TMEM26: variants seen among roughly 807,000 people sequenced by gnomAD.
The protein encoded by TMEM26 is transmembrane protein 26.
A neutral mutation model predicts 28.8 loss-of-function variants in TMEM26; 38 were observed. That is an observed-to-expected ratio of 1.32 (90% CI 1.02 to 1.73). The LOEUF is 1.73. Among genes scored for constraint, TMEM26 ranks in the 40% most tolerant of loss-of-function variants. TMEM26 has a pLI of 0.00. For synonymous variants in TMEM26, 227 were observed against 182.9 expected (o/e 1.24, Z -1.95); for missense variants, 518 against 447.1 (o/e 1.16, Z -1.43).
rs1839627956 is a variant in TMEM26, at chr10:61,415,009, C to T, written c.606-1474G>A. ...CTCCAATGGGTTGTTGAAGGCTGTGCTTTTGATTCTTTTCTACTTCACATT... is the reference window on the plus strand; with the variant it reads ...CTCCAATGGGTTGTTGAAGGCTGTGTTTTTGATTCTTTTCTACTTCACATT... On this transcript the variant is annotated intron_variant, in intron 4 of 5. Coordinates refer to ENST00000399298, the MANE Select transcript of TMEM26 (RefSeq NM_178505.8). 4 of 985,208 alleles carry T rather than the reference C, an allele frequency of 4.1e-6. No homozygotes were observed. The South Asian group carries it at 1.9e-4, about 46-fold the overall frequency. 61.0% of individuals were successfully genotyped at this position (985,208 alleles called of 1,614,324 possible). A position where few individuals can be genotyped will look rare whatever the true frequency, so the allele number is the denominator to read the frequency against.
At chr10:61,415,395 G>T (rs138724373) in intron 4 of TMEM26, among the ~76,000 whole-genome samples, 113 of 152,204 alleles carry the variant, frequency 7.4e-4, no homozygotes, top group African/African-American at 2.0e-3. Flanking sequence ...CACAGTCAAT[G>T]TCTATACACA....
chr10:61,430,064 C>T lies in TMEM26; in HGVS notation c.385-918G>A, dbSNP rs558358244. Among the ~76,000 whole-genome samples, 13 of 152,118 alleles carry T rather than the reference C, an allele frequency of 8.5e-5. No individual in the cohort carries two copies. The South Asian group carries it at 2.3e-3, about 27-fold the overall frequency. The stretch of plus-strand genomic sequence containing the variant: ...GAAAATCAAGAATATTCCATCTGTA[C>T]GCTTTCTTATATTAGTACTATGAAA... On this transcript the variant is annotated intron_variant, in intron 3 of 5. Transcript: ENST00000399298.
chr10:61,410,474 A>G lies in TMEM26; in HGVS notation c.955T>C (p.Ser319Pro), dbSNP rs759950533. 1.9e-6 allele frequency: 3 copies of G among 1,613,946 alleles called. No homozygotes were observed. In the African/African-American group the frequency reaches 4.0e-5, roughly 22 times the overall value. The change falls in exon 6 of 6, where the codon TCA (serine) becomes CCA (proline). Residue 319 changes from serine to proline, a missense_variant. Physicochemically the swap from Ser to Pro is moderately conservative, Grantham distance 74 (BLOSUM62 -1). Coordinates refer to ENST00000399298, the MANE Select transcript of TMEM26 (RefSeq NM_178505.8). ...LAVRASLRSQ[S>P]EGLKGEHGCR... The stretch of plus-strand genomic sequence containing the variant: ...CCATGTTCTCCTTTCAGGCCTTCTG[A>G]CTGACTTCTCAACGAAGCACGGACT...
chr10:61,407,278 G>A lies in TMEM26; in HGVS notation c.*3044C>T, dbSNP rs189136722. On this transcript the variant is annotated 3_prime_UTR_variant, in exon 6 of 6. Coordinates refer to ENST00000399298, the MANE Select transcript of TMEM26 (RefSeq NM_178505.8). ...CAATTAAATAATGAGTTAACAATTAGTATTATAATAGTGAATCCTGCTATT... is the reference window on the plus strand; with the variant it reads ...CAATTAAATAATGAGTTAACAATTAATATTATAATAGTGAATCCTGCTATT... 2 of 152,220 alleles carry A rather than the reference G, an allele frequency of 1.3e-5. No individual in the cohort carries two copies. Among genetic ancestry groups the A allele is most frequent in the East Asian group, 1.9e-4 (1 of 5,182 alleles). 9.4% of individuals were successfully genotyped at this position (152,220 alleles called of 1,614,324 possible).
At chr10:61,431,965 A>T (rs1016355653) in intron 2 of TMEM26, among the ~76,000 whole-genome samples, 2 of 152,024 alleles carry the variant, frequency 1.3e-5, no homozygotes, top group Non-Finnish European at 2.9e-5. Context: ...TCCCACTTAT[A>T]AGTGAAACAT....
intron 1 of TMEM26, 107 bp downstream of exon 1, chr10:61,452,784 T>C: frequency 7.3e-7 from 1 of 1,373,932 alleles, no homozygotes; most frequent in Non-Finnish European, 1.0e-6. Flanking sequence ...AAAAACGGGG[T>C]CCAAATTCGA....
chr10:61,447,997 G>T (rs1224189603), intron 1 of TMEM26, among the ~76,000 whole-genome samples: 1 of 152,244 alleles, frequency 6.6e-6, no homozygotes, highest in Non-Finnish European at 1.5e-5. Context: ...TGTGAGGTTT[G>T]CGAGGGCAGA....
In TMEM26 at chr10:61,441,006, G is replaced by T. The variant is rs78267470; in HGVS notation, c.192-4758C>A. Among the ~76,000 whole-genome samples, 991 of 152,224 alleles carry T rather than the reference G, an allele frequency of 6.5e-3. 29 individuals carry two copies. Among genetic ancestry groups the T allele is most frequent in the East Asian group, 0.061 (318 of 5,178 alleles). On this transcript the variant is annotated intron_variant, in intron 1 of 5. Coordinates refer to ENST00000399298, the MANE Select transcript of TMEM26 (RefSeq NM_178505.8). ...TATAATACCTGATATAGCTGTAAATGTTATGTAGATAGTTGCTGTACAGTA... is the reference window on the plus strand; with the variant it reads ...TATAATACCTGATATAGCTGTAAATTTTATGTAGATAGTTGCTGTACAGTA...
intron 4 of TMEM26, 104 bp from the exon 5 acceptor site, chr10:61,413,639 G>T: frequency 1.5e-6 from 2 of 1,335,042 alleles, no homozygotes; most frequent in South Asian, 4.6e-5. Flanking sequence ...AACCTCTTGT[G>T]GCCAAAATAT....
Position 61,410,358 on chromosome 10 carries a change from G to A in TMEM26, c.1071C>T (p.Ser357=). The stretch of plus-strand genomic sequence containing the variant: ...GGTGGGAGTCGTCGGAGGTGACTGG[G>A]GAGCCCCGCAAAGGAATAGCCAGGC... ...KEGLAIPLRG[S]PVTSDDSHHT... The change falls in exon 6 of 6, where the codon TCC becomes TCT. Residue 357 remains serine, a synonymous_variant. Coordinates refer to ENST00000399298, the MANE Select transcript of TMEM26 (RefSeq NM_178505.8). 2 of 1,613,822 alleles carry A rather than the reference G, an allele frequency of 1.2e-6. No homozygotes were observed. The highest frequency in any genetic ancestry group is 2.2e-5 in the East Asian group (1 of 44,858).
In TMEM26 at chr10:61,431,230, GATC is replaced by G. The variant is rs764967950; in HGVS notation, c.370_372del (p.Asp124del). 2 of 1,612,342 alleles carry G rather than the reference GATC, an allele frequency of 1.2e-6. No homozygotes were observed. The highest frequency in any genetic ancestry group is 8.5e-7 in the Non-Finnish European group (1 of 1,178,684). On this transcript the variant is annotated inframe_deletion, in exon 3 of 6. Coordinates refer to ENST00000399298, the MANE Select transcript of TMEM26 (RefSeq NM_178505.8). ...GGAAAAGCTCTCACCGTCTCAATGA[GATC>G]ATCAGCTCTACTGGTTTGTTCATTG...
chr10:61,430,844 C>T (rs1379680220), intron 3 of TMEM26, among the ~76,000 whole-genome samples: 1 of 151,816 alleles, frequency 6.6e-6, no homozygotes, highest in Non-Finnish European at 1.5e-5. Flanking sequence ...TACCTTCCTC[C>T]CAATTTTTGC....
At chr10:61,440,045 G>C (rs1840066884) in intron 1 of TMEM26, among the ~76,000 whole-genome samples, 1 of 152,120 alleles carries the variant, frequency 6.6e-6, no homozygotes, top group Non-Finnish European at 1.5e-5. Flanking sequence ...TTCGCGACCA[G>C]CCTGGCCAAC....
At chr10:61,445,902 AGAAGAAATGCAT>A (rs1383248756) in intron 1 of TMEM26, among the ~76,000 whole-genome samples, 1 of 152,224 alleles carries the variant, frequency 6.6e-6, no homozygotes, top group Non-Finnish European at 1.5e-5. Flanking sequence ...CACTGCCATG[AGAAGAAATGCAT>A]GAAATTTAAA....
chr10:61,413,383 C>T, intron 5 of TMEM26, 76 bp downstream of exon 5: 1 of 1,564,262 alleles, frequency 6.4e-7, no homozygotes, highest in Non-Finnish European at 8.6e-7. Flanking sequence ...CTTTCACTTG[C>T]CTTCTTAGTT....
chr10:61,441,845 T>G (rs1187183174), intron 1 of TMEM26, among the ~76,000 whole-genome samples: 1 of 152,166 alleles, frequency 6.6e-6, no homozygotes, highest in African/African-American at 2.4e-5. Context: ...CAATGCCAAA[T>G]TACTTTGCTC....
At chr10:61,424,649 AC>A (rs1839800638) in intron 4 of TMEM26, among the ~76,000 whole-genome samples, 1 of 152,210 alleles carries the variant, frequency 6.6e-6, no homozygotes, top group Non-Finnish European at 1.5e-5. Context: ...ATTTTGGAAG[AC>A]TTACAATATC....
At chr10:61,427,275 CTT>C (rs2135306446) in intron 4 of TMEM26, among the ~76,000 whole-genome samples, 2 of 152,088 alleles carry the variant, frequency 1.3e-5, no homozygotes, top group East Asian at 3.9e-4. Context: ...TTTATGGTGT[CTT>C]GAAACATTAA....
chr10:61,423,345 G>A (rs1839778686), intron 4 of TMEM26, among the ~76,000 whole-genome samples: 2 of 152,162 alleles, frequency 1.3e-5, no homozygotes, highest in Admixed American at 1.3e-4. Context: ...GGTATTTGAT[G>A]AAGTCAGCAT....
Sources: allele counts gnomAD v4.1 joint callset (sites outside exome capture counted in the v4.1 genomes callset), GRCh38; gene constraint gnomAD v4.1.1; transcripts MANE v1.5; gene names NCBI Gene and HGNC (gene_info 2026-07-23, HGNC 2026-07-21).